The following KCNG2 variants were observed in gnomAD, a reference collection of about 807,000 sequenced individuals.
The protein encoded by KCNG2 is voltage-gated potassium channel regulatory subunit KCNG2.
KCNG2 carries 7 observed loss-of-function variants against 12.3 expected under a neutral mutation model. The ratio of observed to expected loss-of-function variants is 0.57; its 90% CI spans 0.32 to 1.07. The LOEUF (loss-of-function observed/expected upper bound fraction) is 1.07. KCNG2 is among the 50% of genes least tolerant of loss of function. The pLI is 0.04. For synonymous variants in KCNG2, 414 were observed against 351.4 expected (o/e 1.18, Z -1.99); for missense variants, 703 against 726.0 (o/e 0.97, Z 0.36).
chr18:79,875,127 C>T (rs1327826146), intron 3 of KCNG2, among the ~76,000 whole-genome samples: 2 of 152,194 alleles, frequency 1.3e-5, no homozygotes, highest in African/African-American at 4.8e-5. Flanking sequence ...ACCACAACCC[C>T]TTTTAAAGCT....
At chr18:79,839,689 C>A (rs564080343) in intron 1 of KCNG2, among the ~76,000 whole-genome samples, 10 of 152,132 alleles carry the variant, frequency 6.6e-5, no homozygotes, top group South Asian at 2.1e-4. Flanking sequence ...TCTATACTGT[C>A]TTTTCCAAAA....
chr18:79,892,649 A>G (rs1176368040), intron 3 of KCNG2, among the ~76,000 whole-genome samples: 2 of 152,018 alleles, frequency 1.3e-5, no homozygotes, highest in African/African-American at 2.4e-5. Flanking sequence ...TTCACAGCTA[A>G]TGTTACGATT....
At chr18:79,867,379 T>A (rs376390106) in intron 3 of KCNG2, among the ~76,000 whole-genome samples, 2 of 149,820 alleles carry the variant, frequency 1.3e-5, no homozygotes, top group East Asian at 4.0e-4. Context: ...CCAGCATGTG[T>A]CATGTCTGGG....
chr18:79,828,110 A>T (rs1030568269), intron 1 of KCNG2, among the ~76,000 whole-genome samples: 1 of 152,088 alleles, frequency 6.6e-6, no homozygotes, highest in Non-Finnish European at 1.5e-5. Flanking sequence ...TCTTTTGTAG[A>T]GATGGTGTTT....
At chr18:79,848,242 G>A (rs962320686) in intron 1 of KCNG2, among the ~76,000 whole-genome samples, 9 of 152,212 alleles carry the variant, frequency 5.9e-5, no homozygotes, top group Non-Finnish European at 1.0e-4. Context: ...TTGCTTGGAA[G>A]GAAATGTTAT....
rs575353259 is a variant in KCNG2 at position 79,860,623 on chromosome 18, T to A, written c.-40-3005T>A. On this transcript the variant is annotated intron_variant, in intron 2 of 3. Transcript: ENST00000316249. ...AAATACAACTGATTTTTTTTACCGA[T>A]CTCATGTCTTGCAACTTTGCTGAAC... Among the ~76,000 whole-genome samples, 18 of 152,268 alleles carry A rather than the reference T, an allele frequency of 1.2e-4. No individual in the cohort carries two copies. In the South Asian group the frequency reaches 3.7e-3, roughly 32 times the overall value.
chr18:79,868,087 C>T (rs528724999), intron 3 of KCNG2, among the ~76,000 whole-genome samples: 5 of 152,308 alleles, frequency 3.3e-5, no homozygotes, highest in South Asian at 2.1e-4. Context: ...TGGCTGTCCT[C>T]GGTCGAATAT....
chr18:79,811,974 G>C (rs942083620), intron 1 of KCNG2, among the ~76,000 whole-genome samples: 1 of 152,124 alleles, frequency 6.6e-6, no homozygotes, highest in Non-Finnish European at 1.5e-5. Flanking sequence ...GGAGTTGTGT[G>C]ACGATAACAA....
chr18:79,841,637 G>T (rs1459323532), intron 1 of KCNG2, among the ~76,000 whole-genome samples: 1 of 152,164 alleles, frequency 6.6e-6, no homozygotes, highest in Non-Finnish European at 1.5e-5. Flanking sequence ...ACAAAGAAGT[G>T]CATTAAAAGG....
At chr18:79,882,103 A>G (rs1980319522) in intron 3 of KCNG2, among the ~76,000 whole-genome samples, 1 of 152,260 alleles carries the variant, frequency 6.6e-6, no homozygotes, top group African/African-American at 2.4e-5. Context: ...ATAAACTTGT[A>G]GAAGAAAACA....
intron 1 of KCNG2, among the ~76,000 whole-genome samples, chr18:79,821,205 T>C (rs1021100059): frequency 1.7e-4 from 26 of 152,114 alleles, no homozygotes; most frequent in African/African-American, 6.3e-4. Flanking sequence ...TCCAACATCA[T>C]GAAGATTTGA....
chr18:79,832,182 G>T (rs959810668), intron 1 of KCNG2, among the ~76,000 whole-genome samples: 1 of 151,828 alleles, frequency 6.6e-6, no homozygotes, highest in Non-Finnish European at 1.5e-5. Flanking sequence ...ATCCTCACCT[G>T]CCCTTTCTCA....
intron 1 of KCNG2, among the ~76,000 whole-genome samples, chr18:79,824,650 C>G (rs891701839): frequency 6.6e-6 from 1 of 152,136 alleles, no homozygotes; most frequent in African/African-American, 2.4e-5. Flanking sequence ...CACAGGCTGC[C>G]GGTGCTGGTG....
intron 3 of KCNG2, among the ~76,000 whole-genome samples, chr18:79,879,488 C>T (rs112789675): frequency 8.7e-4 from 132 of 152,200 alleles, no homozygotes; most frequent in Non-Finnish European, 1.1e-3. Flanking sequence ...AAGAACAAGA[C>T]GCCATGAAAA....
intron 3 of KCNG2, among the ~76,000 whole-genome samples, chr18:79,871,991 G>A (rs1020047164): frequency 6.6e-6 from 1 of 152,102 alleles, no homozygotes; most frequent in Non-Finnish European, 1.5e-5. Flanking sequence ...GGCGGGCAGG[G>A]CCCAGTGATG....
chr18:79,812,459 A>C (rs560568786), intron 1 of KCNG2, among the ~76,000 whole-genome samples: 1 of 152,384 alleles, frequency 6.6e-6, no homozygotes, highest in Admixed American at 6.5e-5. Flanking sequence ...TCATTCTACC[A>C]AACATTCAAA....
In KCNG2 at chr18:79,803,607, T is replaced by C. The variant is rs2087427562; in HGVS notation, c.-115+5593T>C. Among the ~76,000 whole-genome samples the C allele has an allele frequency of 6.6e-6, 1 of 152,202 alleles. No individual in the cohort carries two copies. Among genetic ancestry groups the C allele is most frequent in the African/African-American group, 2.4e-5 (1 of 41,446 alleles). ...CGATCGTGTTTCTTCCCTGAGAACC[T>C]GCAGGGCTGGCCGTGATTCTCACCA... On this transcript the variant is annotated intron_variant, in intron 1 of 3. Transcript: ENST00000316249. The surrounding 1 kb of genome is among the most constrained non-coding windows in gnomAD (Gnocchi z 4.5).
intron 1 of KCNG2, among the ~76,000 whole-genome samples, chr18:79,855,121 T>A (rs1340357132): frequency 6.6e-6 from 1 of 152,224 alleles, no homozygotes; most frequent in Non-Finnish European, 1.5e-5. Flanking sequence ...TAATTCTATT[T>A]TCTAAAGTTC....
intron 2 of KCNG2, among the ~76,000 whole-genome samples, chr18:79,858,944 A>G (rs1173329942): frequency 6.6e-6 from 1 of 152,200 alleles, no homozygotes; most frequent in Non-Finnish European, 1.5e-5. Context: ...TTGAGCTCCA[A>G]GAGTTCCTAA....
Sources: allele counts gnomAD v4.1 joint callset (sites outside exome capture counted in the v4.1 genomes callset), GRCh38; gene constraint gnomAD v4.1.1; non-coding constraint Gnocchi (gnomAD v3.1); transcripts MANE v1.5; gene names NCBI Gene and HGNC (gene_info 2026-07-23, HGNC 2026-07-21).